The following PIK3C2G variants were observed in gnomAD, a reference collection of about 807,000 sequenced individuals.
PIK3C2G encodes the protein phosphatidylinositol 3-kinase C2 domain-containing subunit gamma.
In PIK3C2G, 168 loss-of-function variants were observed where a neutral mutation model predicts 181.1. The observed-to-expected ratio is 0.93, with a 90% CI of 0.82 to 1.05. The LOEUF (loss-of-function observed/expected upper bound fraction) is 1.05, where lower values mean the gene tolerates loss of function less well. Among genes scored for constraint, PIK3C2G ranks in the 50% least tolerant of loss-of-function variants. The pLI is 0.00. For synonymous variants in PIK3C2G, 573 were observed against 592.2 expected, an observed-to-expected ratio of 0.97 and a Z score of 0.47; for missense variants, 1,869 against 1,732.8, an observed-to-expected ratio of 1.08 and a Z score of -1.40.
chr12:18,645,174 T>G (rs1482521973), intron 32 of PIK3C2G, among the ~76,000 whole-genome samples: 2 of 151,412 alleles, frequency 1.3e-5, no homozygotes, highest in Non-Finnish European at 2.9e-5. Context: ...CATTTTTTTT[T>G]GTTCTGAGTA....
intron 24 of PIK3C2G, among the ~76,000 whole-genome samples, chr12:18,510,274 T>C (rs1238113557): frequency 6.6e-6 from 1 of 152,222 alleles, no homozygotes. Context: ...CCTATCTTCA[T>C]TTTTTAATTT....
At chr12:18,539,256 A>G (rs908548950) in intron 25 of PIK3C2G, among the ~76,000 whole-genome samples, 2 of 151,948 alleles carry the variant, frequency 1.3e-5, no homozygotes, top group Non-Finnish European at 2.9e-5. Flanking sequence ...TGAAGATAAC[A>G]ACATCTACCT....
At chr12:18,335,319 T>C (rs1161130526) in intron 8 of PIK3C2G, among the ~76,000 whole-genome samples, 1 of 152,164 alleles carries the variant, frequency 6.6e-6, no homozygotes, top group Non-Finnish European at 1.5e-5. Context: ...CTACATCTAG[T>C]CTGATATTTC....
chr12:18,683,247 C>T, the PIK3C2G span: 67 of 1,612,048 alleles, frequency 4.2e-5, no homozygotes, highest in East Asian at 2.5e-4. Flanking sequence ...TGTTATCTGA[C>T]GTACCAAACA....
chr12:18,433,426 T>C (rs1946275076), intron 18 of PIK3C2G, among the ~76,000 whole-genome samples: 1 of 152,042 alleles, frequency 6.6e-6, no homozygotes, highest in South Asian at 2.1e-4. Flanking sequence ...GGCAGGAGGC[T>C]GAGGCAGGAG....
chr12:18,381,860 C>A lies in PIK3C2G; in HGVS notation c.1975C>A (p.Pro659Thr). The change falls in exon 14 of 33, where the codon CCA (proline) becomes ACA (threonine). Residue 659 changes from proline (P) to threonine (T), a missense_variant. By Grantham distance (38) the Pro-to-Thr change is conservative. Transcript: ENST00000538779. ...TCCAGGAGTGTGGGATGTAAGTCAG[C>A]CATCCCCGGTGACCCTGCAGGTAAG... ...ITPGVWDVSQ[P>T]SPVTLQIDFP... 1 of 1,609,382 alleles carries A rather than the reference C, an allele frequency of 6.2e-7. No individual in the cohort carries two copies. The highest frequency in any genetic ancestry group is 8.5e-7 in the Non-Finnish European group (1 of 1,175,740).
upstream of PIK3C2G, among the ~76,000 whole-genome samples, chr12:18,244,247 G>A (rs952245829): frequency 2.0e-5 from 3 of 151,526 alleles, no homozygotes; most frequent in Admixed American, 2.0e-4. Flanking sequence ...AGTCAGTAAA[G>A]GTAATAAAAT....
At chr12:18,335,087 G>A (rs891996868) in intron 8 of PIK3C2G, among the ~76,000 whole-genome samples, 1 of 151,980 alleles carries the variant, frequency 6.6e-6, no homozygotes, top group Non-Finnish European at 1.5e-5. Context: ...CTTACTCAAG[G>A]GCTGAGTAGA....
chr12:18,362,664 C>T (rs894763975), intron 11 of PIK3C2G, 100 bp from the exon 12 acceptor site: 1 of 831,292 alleles, frequency 1.2e-6, no homozygotes, highest in African/African-American at 1.8e-5. Context: ...GCAGTCATCA[C>T]TTTATCATTT....
the PIK3C2G span, chr12:18,683,466 A>T: frequency 2.8e-6 from 4 of 1,451,918 alleles, no homozygotes; most frequent in South Asian, 4.9e-5. Flanking sequence ...CTGGTATATT[A>T]ATCTTCCACA....
rs200811647 is a variant in PIK3C2G, at chr12:18,641,625, TCTC to T, written c.4308+1075_4308+1077del. ...ACTGAAGTCACATGATCCATCCTCA[TCTC>T]CTCTTCCTGTACATACTCTCACATT... On this transcript the variant is annotated intron_variant, in intron 32 of 32. Transcript: ENST00000538779. 4.7e-3 allele frequency among the ~76,000 whole-genome samples: 718 copies of T among 152,106 alleles called. 26 individuals carry two copies. Among genetic ancestry groups the T allele is most frequent in the Admixed American group, 0.037 (558 of 15,242 alleles).
rs537586496 is a variant in PIK3C2G at position 18,266,851 on chromosome 12, C to T, written c.-79+5274C>T. Among the ~76,000 whole-genome samples the T allele has an allele frequency of 1.5e-4, 23 of 151,708 alleles. No individual in the cohort carries two copies. The South Asian group carries it at 4.8e-3, about 32-fold the overall frequency. ...CCTTCTTCCTCCTCCTCCTCATTCT[C>T]TTCTTTTTCTTCATTTTTTTCATGT... On this transcript the variant is annotated intron_variant, in intron 1 of 32. Transcript: ENST00000538779.
intron 18 of PIK3C2G, among the ~76,000 whole-genome samples, chr12:18,425,307 T>C (rs1235064660): frequency 6.6e-6 from 1 of 151,868 alleles, no homozygotes; most frequent in East Asian, 1.9e-4. Context: ...AGGAATTGGA[T>C]TGTTTTGGTT....
In PIK3C2G at chr12:18,562,876, G is replaced by C; in HGVS notation, c.3764G>C (p.Ser1255Thr). The C allele has an allele frequency of 6.3e-7, 1 of 1,597,710 alleles. No individual in the cohort carries two copies. The highest frequency in any genetic ancestry group is 8.5e-7 in the Non-Finnish European group (1 of 1,170,692). The change falls in exon 27 of 33, where the codon AGC becomes ACC. Residue 1255 changes from serine to threonine, a missense_variant. Ser to Thr is a moderately conservative substitution (Grantham distance 58). Transcript: ENST00000538779. ...GAAAGAGCAACAATTTTAGGGTTCA[G>C]CAAGAAATCCAGTAATGTAAGTTTA... Reference protein sequence around the residue: ...SIERATILGFSKKSSNLYLIQ... With the variant: ...SIERATILGFTKKSSNLYLIQ...
rs201771504 is a variant in PIK3C2G at position 18,292,223 on chromosome 12, A to C, written c.919+1211A>C. Among the ~76,000 whole-genome samples, 55 of 64,464 alleles carry C rather than the reference A, an allele frequency of 8.5e-4. 1 individual carries two copies. The highest frequency in any genetic ancestry group is 3.6e-3 in the African/African-American group (53 of 14,550). 42.3% of individuals were successfully genotyped at this position (64,464 alleles called of 152,430 possible). A position where few individuals can be genotyped will look rare whatever the true frequency, so the allele number is the denominator to read the frequency against. Reference sequence around the variant, plus strand: ...AAAACTCCATCTCAAAAAAAAAAAAAAAAAATATATATATATATATATATA... The same window carrying C: ...AAAACTCCATCTCAAAAAAAAAAAACAAAAATATATATATATATATATATA... On this transcript the variant is annotated intron_variant, in intron 4 of 32. Transcript: ENST00000538779.
chr12:18,366,108 A>G (rs145273736), intron 12 of PIK3C2G, among the ~76,000 whole-genome samples: 1 of 152,214 alleles, frequency 6.6e-6, no homozygotes. Flanking sequence ...TCTCTTTAAA[A>G]TATCAGTCAA....
rs1311847627 is a variant in PIK3C2G, at chr12:18,562,745, T to C, written c.3633T>C (p.Asn1211=). Residue 1211 remains asparagine, a synonymous_variant, in exon 27 of 33, where the codon AAT becomes AAC. Transcript: ENST00000538779. ...ESLECFPVKL[N]NLIHTLAQMS... is the part of the protein sequence containing the mutation. The stretch of plus-strand genomic sequence containing the variant: ...TGGAGTGTTTCCCTGTTAAATTGAA[T>C]AACTTGATCCACACACTTGCACAAA... 1 of 1,606,446 alleles carries C rather than the reference T, an allele frequency of 6.2e-7. No individual in the cohort carries two copies.
rs1221356668 is a variant in PIK3C2G at position 18,359,358 on chromosome 12, A to G, written c.1626-3406A>G. 3.3e-5 allele frequency among the ~76,000 whole-genome samples: 5 copies of G among 152,288 alleles called. No individual in the cohort carries two copies. In the East Asian group the frequency reaches 7.7e-4, roughly 24 times the overall value. On this transcript the variant is annotated intron_variant, in intron 11 of 32. Transcript: ENST00000538779. ...GATTTGTTTTGTGACCTAACATGTCATCTAGCCTGGAGGGTGTTTCCTGTT... is the reference window on the plus strand; with the variant it reads ...GATTTGTTTTGTGACCTAACATGTCGTCTAGCCTGGAGGGTGTTTCCTGTT...
the PIK3C2G span, among the ~76,000 whole-genome samples, chr12:18,702,072 G>GTA: frequency 5.9e-5 from 9 of 151,828 alleles, no homozygotes; most frequent in South Asian, 2.1e-4. Flanking sequence ...TATGTGAAAA[G>GTA]TATATATATA....
Sources: gnomAD v4.1 joint callset for allele counts (sites outside exome capture counted in the v4.1 genomes callset) on GRCh38, gnomAD v4.1.1 for gene constraint, MANE v1.5 for transcripts, NCBI Gene and HGNC (gene_info 2026-07-23, HGNC 2026-07-21) for gene names.